The following ZNF695 variants were observed in gnomAD, a reference collection of about 807,000 sequenced individuals.
ZNF695 encodes the protein zinc finger protein SBZF3.
A neutral mutation model predicts 11.2 loss-of-function variants in ZNF695; 11 were observed. That is an observed-to-expected ratio of 0.98 (90% CI 0.62 to 1.62). The LOEUF (loss-of-function observed/expected upper bound fraction) is 1.62. ZNF695 is among the 40% of genes most tolerant of loss of function. The pLI, the probability that ZNF695 is intolerant of heterozygous loss-of-function variation, is 0.00. For missense variants in ZNF695, 559 were observed against 590.5 expected (o/e 0.95, Z 0.55); for synonymous variants, 190 against 201.4 (o/e 0.94, Z 0.48).
At chr1:246,980,713 C>T (rs562013401), downstream of ZNF695, among the ~76,000 whole-genome samples, 2 of 152,178 alleles carry the variant, frequency 1.3e-5, no homozygotes, top group East Asian at 1.9e-4. Flanking sequence ...CCACCGCACC[C>T]GGCCGAGTTT....
downstream of ZNF695, among the ~76,000 whole-genome samples, chr1:246,980,449 C>A (rs1030965845): frequency 7.0e-6 from 1 of 143,576 alleles, no homozygotes; most frequent in South Asian, 2.2e-4. Flanking sequence ...CAGACTCTTA[C>A]TCTGTCGCTC....
chr1:246,985,380 A>G lies in ZNF695; in HGVS notation c.*1587T>C. ...GCCTTAATAATGACACTGTCATTAC[A>G]AAAAGAGCAAACAGAATGAAGGTGT... On this transcript the variant is annotated 3_prime_UTR_variant, in exon 4 of 4. Coordinates refer to ENST00000339986, the MANE Select transcript of ZNF695 (RefSeq NM_020394.5). 2 of 985,102 alleles carry G rather than the reference A, an allele frequency of 2.0e-6. No homozygotes were observed. The highest frequency in any genetic ancestry group is 2.4e-6 in the Non-Finnish European group (2 of 829,638). The allele number at this position is 985,102 out of a possible 1,614,324, so 61.0% of individuals were successfully genotyped here.
At chr1:246,953,825 C>T (rs1343554925) in intron 5 of ZNF695, among the ~76,000 whole-genome samples, 2 of 151,646 alleles carry the variant, frequency 1.3e-5, no homozygotes, top group African/African-American at 2.4e-5. Context: ...ACTCAGGAGG[C>T]TGAGGCAGGA....
At position 247,007,965 on chromosome 1, in the gene ZNF695, C is replaced by A. The variant is rs954008404; in HGVS notation, c.-57G>T. 3 of 1,463,152 alleles carry A rather than the reference C, an allele frequency of 2.1e-6. No individual in the cohort carries two copies. In the South Asian group the frequency reaches 4.4e-5, roughly 21 times the overall value. 90.6% of individuals were successfully genotyped at this position (1,463,152 alleles called of 1,614,324 possible). A position where few individuals can be genotyped will look rare whatever the true frequency, so the allele number is the denominator to read the frequency against. On this transcript the variant is annotated 5_prime_UTR_variant, in exon 1 of 4. Coordinates refer to ENST00000339986, the MANE Select transcript of ZNF695 (RefSeq NM_020394.5). ...CTATAAATCTCGCAATACCTGCAGG[C>A]CACAGGGCGATGGAGCCTGCGGCAG...
chr1:246,966,597 C>T (rs917125671), intron 5 of ZNF695, among the ~76,000 whole-genome samples: 1 of 152,122 alleles, frequency 6.6e-6, no homozygotes. Flanking sequence ...CCAGCCTGGG[C>T]AACATAGCAT....
Position 246,987,914 on chromosome 1 carries a change from GAGTCATTATTAA to G in ZNF695, c.589_600del (p.Leu197_Thr200del), listed in dbSNP as rs775258900. On this transcript the variant is annotated inframe_deletion, in exon 4 of 4. Coordinates refer to ENST00000339986, the MANE Select transcript of ZNF695 (RefSeq NM_020394.5). ...TCTCCAATATGGATTCTCTGCTGTT[GAGTCATTATTAA>G]AGACATGCAAGAGACATTGCCACAT... 6.2e-6 allele frequency: 10 copies of G among 1,610,598 alleles called. No homozygotes were observed. The highest frequency in any genetic ancestry group is 8.5e-6 in the Non-Finnish European group (10 of 1,179,058).
At chr1:246,967,512 G>A (rs1299323899) in intron 5 of ZNF695, 1 of 453,338 alleles carries the variant, frequency 2.2e-6, no homozygotes, top group Non-Finnish European at 4.4e-6. Flanking sequence ...CAAGGTTTTG[G>A]GTCTGAGAAA....
At chr1:246,945,765 G>A (rs1257084090) in exon 6 of ZNF695, 10 of 1,550,178 alleles carry the variant, frequency 6.5e-6, no homozygotes, top group Non-Finnish European at 7.8e-6. Context: ...CAGGCACTGT[G>A]TTCAAGCAGC....
intron 3 of ZNF695, among the ~76,000 whole-genome samples, chr1:246,993,838 T>A (rs1242678439): frequency 6.6e-6 from 1 of 152,122 alleles, no homozygotes; most frequent in Non-Finnish European, 1.5e-5. Flanking sequence ...GAATATAAGG[T>A]AAGCAAATGC....
chr1:246,961,324 T>C (rs1428969100), intron 5 of ZNF695, among the ~76,000 whole-genome samples: 1 of 152,244 alleles, frequency 6.6e-6, no homozygotes, highest in Non-Finnish European at 1.5e-5. Flanking sequence ...GACAATCTTA[T>C]ATTGCTACCT....
intron 1 of ZNF695, among the ~76,000 whole-genome samples, chr1:247,002,640 G>A (rs146350935): frequency 0.012 from 1,897 of 152,258 alleles, 38 homozygotes; most frequent in African/African-American, 0.044. Context: ...ACAAAAATTA[G>A]CTGGGTGTGG....
intron 1 of ZNF695, among the ~76,000 whole-genome samples, chr1:247,004,912 T>C (rs1010529305): frequency 6.6e-6 from 1 of 152,138 alleles, no homozygotes; most frequent in Non-Finnish European, 1.5e-5. Flanking sequence ...AAACCATTGA[T>C]GAAAGAAACT....
chr1:246,999,796 G>A lies in ZNF695; in HGVS notation c.166+116C>T. The A allele has an allele frequency of 1.2e-5, 13 of 1,075,362 alleles. No individual in the cohort carries two copies. The South Asian group carries it at 2.1e-4, about 17-fold the overall frequency. 66.6% of individuals were successfully genotyped at this position (1,075,362 alleles called of 1,614,324 possible). The stretch of plus-strand genomic sequence containing the variant: ...CAAGGCAAAACATCTTGAAAGTTTT[G>A]TTTTCTACACCAAGAAATCCCCAAG... On this transcript the variant is annotated intron_variant, in intron 2 of 3. Coordinates refer to ENST00000339986, the MANE Select transcript of ZNF695 (RefSeq NM_020394.5).
At chr1:246,949,626 T>C (rs931232810) in intron 5 of ZNF695, among the ~76,000 whole-genome samples, 5 of 152,004 alleles carry the variant, frequency 3.3e-5, no homozygotes, top group African/African-American at 1.2e-4. Flanking sequence ...GCTCTATCTC[T>C]TGAACCCTGG....
rs148888236 is a variant in ZNF695, at chr1:246,999,525, C to T, written c.167-85G>A. ...ATGCTCAGTAGAGAAGAGAAAACAT[C>T]ACATTAGATCCTAGAAAATTAACTC... On this transcript the variant is annotated intron_variant, in intron 2 of 3. Coordinates refer to ENST00000339986, the MANE Select transcript of ZNF695 (RefSeq NM_020394.5). The T allele has an allele frequency of 3.4e-4, 343 of 1,017,208 alleles. 2 individuals are homozygous for T. The African/African-American group carries it at 3.9e-3, about 12-fold the overall frequency. The allele number at this position is 1,017,208 out of a possible 1,614,324, so 63.0% of individuals were successfully genotyped here.
rs372644333 is a variant in ZNF695, at chr1:247,002,724, G to A, written c.4-2650C>T. ...CTTGAACCCAGGGGGCAGAGGTTGC[G>A]GTGAGCTGAGATCGTGTCACTGCAC... On this transcript the variant is annotated intron_variant, in intron 1 of 3. Coordinates refer to ENST00000339986, the MANE Select transcript of ZNF695 (RefSeq NM_020394.5). 7.9e-5 allele frequency among the ~76,000 whole-genome samples: 12 copies of A among 152,176 alleles called. No homozygotes were observed. The East Asian group carries it at 1.5e-3, about 20-fold the overall frequency.
At chr1:246,973,939 C>T (rs143019307) in intron 4 of ZNF695, among the ~76,000 whole-genome samples, 4 of 152,266 alleles carry the variant, frequency 2.6e-5, no homozygotes, top group African/African-American at 9.6e-5. Context: ...TTCATGGCCT[C>T]AGTATAACCG....
In ZNF695 at chr1:246,965,885, C is replaced by T. The variant is rs12026180; in HGVS notation, c.488+1810G>A. ...AATAAATTCCTTTTTGTTTATATACCTTGTTTCAGGTATTCTGTTATAAGC... is the reference window on the plus strand; with the variant it reads ...AATAAATTCCTTTTTGTTTATATACTTTGTTTCAGGTATTCTGTTATAAGC... On this transcript the variant is annotated intron_variant, in intron 5 of 5. Coordinates refer to the ZNF695 transcript ENST00000487338. 2.8e-3 allele frequency among the ~76,000 whole-genome samples: 425 copies of T among 151,876 alleles called. 12 individuals are homozygous for T. In the East Asian group the frequency reaches 0.073, roughly 26 times the overall value.
At chr1:246,971,734 T>C (rs1211199242) in intron 4 of ZNF695, among the ~76,000 whole-genome samples, 2 of 152,214 alleles carry the variant, frequency 1.3e-5, no homozygotes, top group African/African-American at 4.8e-5. Context: ...ATGATATTTA[T>C]ATATAATCAT....
Sources: gnomAD v4.1 joint callset for allele counts (sites outside exome capture counted in the v4.1 genomes callset) on GRCh38, gnomAD v4.1.1 for gene constraint, MANE v1.5 for transcripts, NCBI Gene and HGNC (gene_info 2026-07-23, HGNC 2026-07-21) for gene names.